ROBO1: variants seen among roughly 807,000 people sequenced by gnomAD.
ROBO1 encodes roundabout homolog 1.
ROBO1 carries 149 observed loss-of-function variants against 195.9 expected under a neutral mutation model. The observed-to-expected ratio is 0.76, with a 90% CI of 0.67 to 0.87. The LOEUF (loss-of-function observed/expected upper bound fraction) is 0.87. ROBO1 is among the 40% of genes least tolerant of loss of function. The pLI, the probability that ROBO1 is intolerant of heterozygous loss-of-function variation, is 0.00. For missense variants in ROBO1, 1,933 were observed against 2,068.3 expected, an observed-to-expected ratio of 0.93 and a Z score of 1.27; for synonymous variants, 816 against 733.2, an observed-to-expected ratio of 1.11 and a Z score of -1.82.
At chr3:78,928,306 G>A (rs965445943) in intron 4 of ROBO1, among the ~76,000 whole-genome samples, 4 of 152,022 alleles carry the variant, frequency 2.6e-5, no homozygotes, top group Non-Finnish European at 5.9e-5. Context: ...AGAACAAAAC[G>A]CCTTCTAGAA....
At position 78,885,194 on chromosome 3, in the gene ROBO1, TGGAAAC is replaced by T. The variant is rs1559962795; in HGVS notation, c.499+53401_499+53406del. On this transcript the variant is annotated intron_variant, in intron 4 of 30. Coordinates refer to ENST00000464233, the MANE Select transcript of ROBO1 (RefSeq NM_002941.4). ...AATACCACATGTTCTCACTTATAGG[TGGAAAC>T]TAAATGATGAGAATACATGGACACA... 4.0e-5 allele frequency among the ~76,000 whole-genome samples: 6 copies of T among 151,274 alleles called. No homozygotes were observed. The East Asian group carries it at 1.2e-3, about 30-fold the overall frequency.
At chr3:79,180,014 C>T (rs182293347) in intron 2 of ROBO1, among the ~76,000 whole-genome samples, 3 of 152,222 alleles carry the variant, frequency 2.0e-5, no homozygotes, top group African/African-American at 4.8e-5. Context: ...TTTAACTTGT[C>T]CCCTTTCTTT....
At chr3:78,954,654 T>C (rs1334874664) in intron 3 of ROBO1, among the ~76,000 whole-genome samples, 1 of 152,006 alleles carries the variant, frequency 6.6e-6, no homozygotes, top group Non-Finnish European at 1.5e-5. Flanking sequence ...GGAAACATAG[T>C]TAATTATAAT....
At chr3:78,622,277 G>A (rs1356751403) in intron 26 of ROBO1, among the ~76,000 whole-genome samples, 1 of 151,990 alleles carries the variant, frequency 6.6e-6, no homozygotes, top group African/African-American at 2.4e-5. Flanking sequence ...TATATAATTC[G>A]ACTTGCAGTG....
At chr3:78,700,965 T>C (rs2081406283) in intron 8 of ROBO1, among the ~76,000 whole-genome samples, 1 of 152,108 alleles carries the variant, frequency 6.6e-6, no homozygotes. Flanking sequence ...GGTTTTGCCA[T>C]GTTGGCCAGG....
chr3:78,725,081 T>G (rs774993339), intron 5 of ROBO1, among the ~76,000 whole-genome samples: 54 of 152,172 alleles, frequency 3.5e-4, no homozygotes, highest in Non-Finnish European at 6.6e-4. Context: ...ATGCTGGCAT[T>G]TAGCCTATGT....
intron 2 of ROBO1, among the ~76,000 whole-genome samples, chr3:79,577,837 G>C (rs367763307): frequency 1.3e-4 from 20 of 151,942 alleles, no homozygotes; most frequent in South Asian, 2.1e-4. Flanking sequence ...GCTTGAACTC[G>C]GGAGGCAGAG....
chr3:79,309,426 G>A (rs934002116), intron 2 of ROBO1, among the ~76,000 whole-genome samples: 1 of 151,838 alleles, frequency 6.6e-6, no homozygotes, highest in African/African-American at 2.4e-5. Context: ...CAAAAACCCA[G>A]TCTCTACAAA....
intron 3 of ROBO1, among the ~76,000 whole-genome samples, chr3:79,010,781 G>A (rs2077757251): frequency 6.6e-6 from 1 of 152,126 alleles, no homozygotes; most frequent in Non-Finnish European, 1.5e-5. Context: ...GGATGCTTGT[G>A]TTCAATCTGA....
chr3:78,964,425 A>G (rs2041569156), intron 3 of ROBO1, among the ~76,000 whole-genome samples: 1 of 152,190 alleles, frequency 6.6e-6, no homozygotes, highest in South Asian at 2.1e-4. Context: ...GTTTATATGA[A>G]GGGTTCAGTT....
intron 4 of ROBO1, among the ~76,000 whole-genome samples, chr3:78,817,497 T>C (rs1269721433): frequency 4.6e-5 from 7 of 152,098 alleles, no homozygotes; most frequent in African/African-American, 1.7e-4. Context: ...ACTCACAGTG[T>C]CTCTGAGGTA....
rs1559773970 is a variant in ROBO1, at chr3:78,711,431, CTTTCTTTCT to C, written c.1045+2957_1045+2965del. On this transcript the variant is annotated intron_variant, in intron 8 of 30. Transcript: ENST00000464233. ...TCTTTCTTTCTTTCTTTCTTTCTTTCTTTCTTTCTTTCCTTCCTTCCTTCCTTCCTTCCT... is the reference window on the plus strand; with the variant it reads ...TCTTTCTTTCTTTCTTTCTTTCTTTCTTCCTTCCTTCCTTCCTTCCTTCCT... Among the ~76,000 whole-genome samples, 158 of 114,224 alleles carry C rather than the reference CTTTCTTTCT, an allele frequency of 1.4e-3. 8 individuals are homozygous for C. The highest frequency in any genetic ancestry group is 5.8e-3 in the African/African-American group (148 of 25,464). The allele number at this position is 114,224 out of a possible 152,430, so 74.9% of individuals were successfully genotyped here.
chr3:78,685,993 A>ATTTATATGTATGTT, intron 9 of ROBO1, 76 bp from the exon 10 acceptor site: 1 of 1,213,606 alleles, frequency 8.2e-7, no homozygotes, highest in Non-Finnish European at 1.1e-6. Flanking sequence ...GCACTTATGC[A>ATTTATATGTATGTT]TTTACATGTA....
intron 2 of ROBO1, among the ~76,000 whole-genome samples, chr3:79,220,474 A>G (rs1482044426): frequency 1.3e-5 from 2 of 152,088 alleles, no homozygotes; most frequent in Non-Finnish European, 2.9e-5. Context: ...TTCTATTTCC[A>G]ATTCATTGTG....
chr3:79,643,373 T>C (rs952617424), intron 1 of ROBO1, among the ~76,000 whole-genome samples: 9 of 152,130 alleles, frequency 5.9e-5, no homozygotes, highest in African/African-American at 1.9e-4. Context: ...CACCTTGTGA[T>C]TGTGTGAGTC....
At chr3:79,355,556 T>A (rs576091961) in intron 2 of ROBO1, among the ~76,000 whole-genome samples, 1 of 152,156 alleles carries the variant, frequency 6.6e-6, no homozygotes, top group Admixed American at 6.5e-5. Context: ...TCTGTCACTA[T>A]TCCTCCCTCC....
chr3:79,575,271 CA>C (rs1392390102), intron 2 of ROBO1, among the ~76,000 whole-genome samples: 1 of 103,122 alleles, frequency 9.7e-6, no homozygotes, highest in South Asian at 2.8e-4. Flanking sequence ...ATATATATAA[CA>C]AATATATATA....
At chr3:79,512,245 C>T (rs1158821347) in intron 2 of ROBO1, among the ~76,000 whole-genome samples, 1 of 151,416 alleles carries the variant, frequency 6.6e-6, no homozygotes, top group Non-Finnish European at 1.5e-5. Flanking sequence ...GTGAATATAG[C>T]TAGCATGAGC....
At chr3:79,124,934 T>C (rs2080186933) in intron 3 of ROBO1, among the ~76,000 whole-genome samples, 1 of 152,164 alleles carries the variant, frequency 6.6e-6, no homozygotes, top group Non-Finnish European at 1.5e-5. Context: ...ATGCATCTAT[T>C]TCAGAAGTCG....
Sources: gnomAD v4.1 joint callset for allele counts (sites outside exome capture counted in the v4.1 genomes callset) on GRCh38, gnomAD v4.1.1 for gene constraint, MANE v1.5 for transcripts, NCBI Gene and HGNC (gene_info 2026-07-23, HGNC 2026-07-21) for gene names.